Variants in HELT observed in about 807,000 individuals in gnomAD.
The protein encoded by HELT is helt bHLH transcription factor.
A neutral mutation model predicts 19.5 loss-of-function variants in HELT; 9 were observed. That is an observed-to-expected ratio of 0.46 (90% confidence interval 0.28 to 0.80). The LOEUF (loss-of-function observed/expected upper bound fraction) is 0.80. Ranked by LOEUF, HELT falls within the 30% of genes least tolerant of loss-of-function variation. The probability of loss-of-function intolerance (pLI) is 0.12; values close to 1 mark genes in which losing one functional copy is unlikely to be tolerated. For missense variants in HELT, 366 were observed against 326.3 expected (o/e 1.12, Z -0.94); for synonymous variants, 162 against 148.3 (o/e 1.09, Z -0.67).
chr4:185,018,826 G>T lies in HELT; in HGVS notation c.-103G>T. ...GCTTTATAAGGCAGCCCTCGGAGTTGGGAGGCTGCAGTCTACCTGGGACAC... is the reference window on the plus strand; with the variant it reads ...GCTTTATAAGGCAGCCCTCGGAGTTTGGAGGCTGCAGTCTACCTGGGACAC... On this transcript the variant is annotated 5_prime_UTR_variant, in exon 1 of 4. Transcript: ENST00000515777. 1 of 1,210,290 alleles carries T rather than the reference G, an allele frequency of 8.3e-7. No homozygotes were observed. The highest frequency in any genetic ancestry group is 1.5e-5 in the South Asian group (1 of 66,228). 75.0% of individuals were successfully genotyped at this position (1,210,290 alleles called of 1,614,324 possible).
At position 185,018,917 on chromosome 4, in the gene HELT, G is replaced by A; in HGVS notation, c.-12G>A. On this transcript the variant is annotated 5_prime_UTR_variant, in exon 1 of 4. Coordinates refer to ENST00000515777, the MANE Select transcript of HELT (RefSeq NM_001300781.2). The stretch of plus-strand genomic sequence containing the variant: ...GCGCCACCGCCTCTCCCGAGGGCGC[G>A]TACTGACCAGGATGTCAGACAAGCT... 6.3e-7 allele frequency: 1 copy of A among 1,594,642 alleles called. No homozygotes were observed. Among genetic ancestry groups the A allele is most frequent in the Non-Finnish European group, 8.6e-7 (1 of 1,168,102 alleles).
Position 185,020,567 on chromosome 4 carries a change from C to T in HELT, c.524C>T (p.Pro175Leu), listed in dbSNP as rs2111143518. Residue 175 changes from proline (P) to leucine (L), a missense_variant, in exon 4 of 4, where the codon CCT becomes CTT. Pro to Leu is a moderately conservative substitution (Grantham distance 98, BLOSUM62 -3). Coordinates refer to ENST00000515777, the MANE Select transcript of HELT (RefSeq NM_001300781.2). ...AVFPQGSGAG[P>L]FPWPPGAARS... Reference sequence around the variant, plus strand: ...TTCCCGCAGGGCTCTGGTGCCGGGCCTTTCCCCTGGCCGCCTGGCGCGGCC... The same window carrying T: ...TTCCCGCAGGGCTCTGGTGCCGGGCTTTTCCCCTGGCCGCCTGGCGCGGCC... 6.3e-7 allele frequency: 1 copy of T among 1,599,716 alleles called. No homozygotes were observed. Among genetic ancestry groups the T allele is most frequent in the East Asian group, 2.2e-5 (1 of 44,680 alleles).
intron 1 of HELT, 175 bp downstream of exon 1, chr4:185,019,130 A>T (rs776204900): frequency 1.3e-6 from 2 of 1,566,296 alleles, no homozygotes; most frequent in South Asian, 1.2e-5. Flanking sequence ...GTGCTCAACC[A>T]GGTAGAAGTC....
Position 185,018,742 on chromosome 4 carries a change from G to C in HELT, c.-187G>C, listed in dbSNP as rs1193573125. ...TGAATGCATACATCCTCCAAACGCAGCTCCCCTAATCCTATGGAATAATTC... is the reference window on the plus strand; with the variant it reads ...TGAATGCATACATCCTCCAAACGCACCTCCCCTAATCCTATGGAATAATTC... On this transcript the variant is annotated 5_prime_UTR_variant, in exon 1 of 4. Transcript: ENST00000515777. The C allele has an allele frequency of 2.2e-6, 1 of 455,834 alleles. No homozygotes were observed. Among genetic ancestry groups the C allele is most frequent in the Non-Finnish European group, 3.8e-6 (1 of 264,762 alleles). The allele number at this position is 455,834 out of a possible 1,614,324, so 28.2% of individuals were successfully genotyped here.
At chr4:185,019,557 C>A (rs917861354) in intron 2 of HELT, 66 bp downstream of exon 2, 28 of 1,549,334 alleles carry the variant, frequency 1.8e-5, no homozygotes, top group Non-Finnish European at 2.4e-5. Context: ...TCTGCGGAGA[C>A]GCCCGAGCCC....
chr4:185,019,097 G>A, intron 1 of HELT, 142 bp downstream of exon 1: 1 of 1,606,070 alleles, frequency 6.2e-7, no homozygotes, highest in Non-Finnish European at 8.5e-7. Context: ...GGTTTGGGAA[G>A]GGGGTGGGGT....
At position 185,018,693 on chromosome 4, in the gene HELT, T is replaced by C. The variant is rs74951124; in HGVS notation, c.-236T>C. On this transcript the variant is annotated 5_prime_UTR_variant, in exon 1 of 4. Transcript: ENST00000515777. ...CCCTCGGCTGCTAATTTTTTTTTTT[T>C]CTTAACTTCTTTAAAACTGATCTTG... 3 of 402,320 alleles carry C rather than the reference T, an allele frequency of 7.5e-6. No homozygotes were observed. Among genetic ancestry groups the C allele is most frequent in the Non-Finnish European group, 1.3e-5 (3 of 229,904 alleles). 24.9% of individuals were successfully genotyped at this position (402,320 alleles called of 1,614,324 possible). A position where few individuals can be genotyped will look rare whatever the true frequency, so the allele number is the denominator to read the frequency against.
chr4:185,019,086 T>A, intron 1 of HELT, 131 bp downstream of exon 1: 1 of 1,607,486 alleles, frequency 6.2e-7, no homozygotes, highest in Non-Finnish European at 8.5e-7. Context: ...GAATCTCGAG[T>A]GGTTTGGGAA....
At chr4:185,019,250 G>A in intron 1 of HELT, 137 bp from the exon 2 acceptor site, 1 of 1,129,644 alleles carries the variant, frequency 8.9e-7, no homozygotes, top group Non-Finnish European at 1.2e-6. Context: ...CGAGCGTGGC[G>A]GGCCAGGAGT....
Position 185,018,702 on chromosome 4 carries a change from C to A in HELT, c.-227C>A. On this transcript the variant is annotated 5_prime_UTR_variant, in exon 1 of 4. Transcript: ENST00000515777. ...GCTAATTTTTTTTTTTTCTTAACTTCTTTAAAACTGATCTTGAATGCATAC... is the reference window on the plus strand; with the variant it reads ...GCTAATTTTTTTTTTTTCTTAACTTATTTAAAACTGATCTTGAATGCATAC... 1 of 401,580 alleles carries A rather than the reference C, an allele frequency of 2.5e-6. No individual in the cohort carries two copies. Among genetic ancestry groups the A allele is most frequent in the East Asian group, 3.7e-5 (1 of 27,274 alleles). The allele number at this position is 401,580 out of a possible 1,614,324, so 24.9% of individuals were successfully genotyped here.
rs1440492120 is a variant in HELT at position 185,018,528 on chromosome 4, G to A, written c.-401G>A. 6.6e-6 allele frequency among the ~76,000 whole-genome samples: 1 copy of A among 152,108 alleles called. No homozygotes were observed. Among genetic ancestry groups the A allele is most frequent in the Non-Finnish European group, 1.5e-5 (1 of 68,016 alleles). ...CTCCGCGCCCGCGACTGCTGCAGGCGCTTGCTCGCCCGCCGGCCCCAGTTT... is the reference window on the plus strand; with the variant it reads ...CTCCGCGCCCGCGACTGCTGCAGGCACTTGCTCGCCCGCCGGCCCCAGTTT... On this transcript the variant is annotated 5_prime_UTR_variant, in exon 1 of 4. Transcript: ENST00000515777.
At chr4:185,019,610 G>T (rs1274623230) in intron 2 of HELT, 119 bp downstream of exon 2, 2 of 1,582,688 alleles carry the variant, frequency 1.3e-6, no homozygotes, top group African/African-American at 1.3e-5. Flanking sequence ...CCCAGGCGGG[G>T]GGCCTGAGCG....
Position 185,020,693 on chromosome 4 carries a change from G to A in HELT, c.650G>A (p.Arg217Gln). 1 of 1,603,428 alleles carries A rather than the reference G, an allele frequency of 6.2e-7. No individual in the cohort carries two copies. Among genetic ancestry groups the A allele is most frequent in the Non-Finnish European group, 8.5e-7 (1 of 1,179,010 alleles). The change falls in exon 4 of 4, where the codon CGG becomes CAG. Residue 217 changes from arginine to glutamine, a missense_variant. Coordinates refer to ENST00000515777, the MANE Select transcript of HELT (RefSeq NM_001300781.2). ...PFLTPVQGLD[R>Q]HYLNLIGHAH... ...CTGACACCGGTGCAGGGCCTGGACC[G>A]GCATTACCTCAACCTGATCGGCCAC... is the stretch of plus-strand genomic sequence containing the variant.
chr4:185,018,987 C>T (rs1554037870), intron 1 of HELT, 32 bp downstream of exon 1: 6 of 1,613,904 alleles, frequency 3.7e-6, no homozygotes, highest in Non-Finnish European at 5.1e-6. Context: ...GGCACTTGCG[C>T]CCTGGTGGTG....
rs779419582 is a variant in HELT at position 185,020,637 on chromosome 4, C to T, written c.594C>T (p.Leu198=). The change falls in exon 4 of 4, where the codon CTC becomes CTT. Residue 198 remains leucine (L), a synonymous_variant. Coordinates refer to ENST00000515777, the MANE Select transcript of HELT (RefSeq NM_001300781.2). The stretch of plus-strand genomic sequence containing the variant: ...ACCTGCCCAGCGCGCCAGTGCCGCT[C>T]GCTAGCCCAGCGCAGCAGCACAGCC... ...LPYLPSAPVP[L]ASPAQQHSPF... The T allele has an allele frequency of 2.5e-6, 4 of 1,603,540 alleles. No homozygotes were observed. The highest frequency in any genetic ancestry group is 3.4e-6 in the Non-Finnish European group (4 of 1,179,088).
Position 185,020,441 on chromosome 4 carries a change from C to T in HELT, c.398C>T (p.Ala133Val), listed in dbSNP as rs369690789. The T allele has an allele frequency of 6.2e-6, 10 of 1,613,970 alleles. No individual in the cohort carries two copies. The African/African-American group carries it at 9.3e-5, about 15-fold the overall frequency. The change falls in exon 4 of 4, where the codon GCC (alanine) becomes GTC (valine). Residue 133 changes from alanine to valine, a missense_variant. By Grantham distance (64) the Ala-to-Val change is moderately conservative. Transcript: ENST00000515777. ...QSKARLGAEP[A>V]FPPLGSLPEP... ...AAGGCCCGCCTGGGCGCGGAGCCCGCCTTTCCGCCGCTGGGTTCGCTCCCG... is the reference window on the plus strand; with the variant it reads ...AAGGCCCGCCTGGGCGCGGAGCCCGTCTTTCCGCCGCTGGGTTCGCTCCCG...
At position 185,020,692 on chromosome 4, in the gene HELT, C is replaced by A. The variant is rs1187024363; in HGVS notation, c.649C>A (p.Arg217=). The stretch of plus-strand genomic sequence containing the variant: ...CCTGACACCGGTGCAGGGCCTGGAC[C>A]GGCATTACCTCAACCTGATCGGCCA... ...PFLTPVQGLD[R]HYLNLIGHAH... The change falls in exon 4 of 4, where the codon CGG becomes AGG. Residue 217 remains arginine (R), a synonymous_variant. Transcript: ENST00000515777. The A allele has an allele frequency of 3.1e-6, 5 of 1,603,572 alleles. No individual in the cohort carries two copies. Among genetic ancestry groups the A allele is most frequent in the Middle Eastern group, 1.6e-4 (1 of 6,068 alleles).
chr4:185,019,042 A>T lies in HELT; in HGVS notation c.27+87A>T, dbSNP rs370662812. The T allele has an allele frequency of 2.1e-4, 340 of 1,613,862 alleles. 1 individual carries two copies. Among genetic ancestry groups the T allele is most frequent in the Non-Finnish European group, 2.7e-4 (321 of 1,179,936 alleles). ...CCCGCCACTTGGGTGGACCGATGGCAGGGAAGTGCCCGCACGGGACTTTGA... is the reference window on the plus strand; with the variant it reads ...CCCGCCACTTGGGTGGACCGATGGCTGGGAAGTGCCCGCACGGGACTTTGA... On this transcript the variant is annotated intron_variant, in intron 1 of 3. Coordinates refer to ENST00000515777, the MANE Select transcript of HELT (RefSeq NM_001300781.2).
chr4:185,019,047 A>G, intron 1 of HELT, 92 bp downstream of exon 1: 1 of 1,613,892 alleles, frequency 6.2e-7, no homozygotes, highest in African/African-American at 1.3e-5. Flanking sequence ...ATGGCAGGGA[A>G]GTGCCCGCAC....
Sources: gnomAD v4.1 joint callset for allele counts (sites outside exome capture counted in the v4.1 genomes callset) on GRCh38, gnomAD v4.1.1 for gene constraint, MANE v1.5 for transcripts, NCBI Gene and HGNC (gene_info 2026-07-23, HGNC 2026-07-21) for gene names.